PHF20: variants seen among roughly 807,000 people sequenced by gnomAD.
The protein encoded by PHF20 is PHD finger protein 20.
Under a neutral mutation model 113.5 loss-of-function variants are expected in PHF20, and 23 were observed. The observed-to-expected ratio is 0.20, with a 90% CI of 0.15 to 0.29. The LOEUF is 0.29. Among genes scored for constraint, PHF20 ranks in the 10% least tolerant of loss-of-function variants. The pLI, the probability that PHF20 is intolerant of heterozygous loss-of-function variation, is 1.00. For missense variants in PHF20, 943 were observed against 1,219.6 expected (o/e 0.77, Z 3.38); for synonymous variants, 434 against 457.3 (o/e 0.95, Z 0.65).
chr20:35,915,626 C>G (rs1044593103), intron 12 of PHF20, among the ~76,000 whole-genome samples: 1 of 151,932 alleles, frequency 6.6e-6, no homozygotes, highest in African/African-American at 2.4e-5. Context: ...ACCTTGTGAT[C>G]CACCCACTTC....
chr20:35,825,308 C>T (rs1279550256), intron 2 of PHF20, among the ~76,000 whole-genome samples: 2 of 152,016 alleles, frequency 1.3e-5, no homozygotes, highest in Non-Finnish European at 2.9e-5. Flanking sequence ...CAGGTGCATA[C>T]CACCGTGCCC....
chr20:35,773,034 G>C (rs2041095587), intron 1 of PHF20, among the ~76,000 whole-genome samples: 1 of 152,162 alleles, frequency 6.6e-6, no homozygotes, highest in Non-Finnish European at 1.5e-5. Flanking sequence ...CTTCTCCCGA[G>C]ACTGTATTAT....
At chr20:35,794,604 A>G (rs2146853664) in intron 1 of PHF20, among the ~76,000 whole-genome samples, 1 of 152,090 alleles carries the variant, frequency 6.6e-6, no homozygotes, top group South Asian at 2.1e-4. Context: ...GATTATCCCA[A>G]AGCCTGTTCT....
intron 2 of PHF20, among the ~76,000 whole-genome samples, chr20:35,802,344 G>C (rs6119653): frequency 0.012 from 1,849 of 151,842 alleles, 26 homozygotes; most frequent in African/African-American, 0.042. Context: ...CCTCTTTAAG[G>C]GTTTTTGTTT....
intron 13 of PHF20, among the ~76,000 whole-genome samples, chr20:35,925,536 G>A (rs1220965379): frequency 1.3e-5 from 2 of 151,956 alleles, no homozygotes; most frequent in African/African-American, 4.8e-5. Flanking sequence ...AGTGCTGGCT[G>A]GGATTACAGG....
At chr20:35,873,550 C>T (rs1214022138) in intron 9 of PHF20, among the ~76,000 whole-genome samples, 8 of 147,786 alleles carry the variant, frequency 5.4e-5, no homozygotes, top group African/African-American at 1.2e-4. Flanking sequence ...CTCACTGCAA[C>T]GTCTGCCTCC....
intron 1 of PHF20, among the ~76,000 whole-genome samples, chr20:35,788,860 C>A (rs959691880): frequency 6.6e-6 from 1 of 152,210 alleles, no homozygotes; most frequent in Non-Finnish European, 1.5e-5. Flanking sequence ...CTGGCGTGAG[C>A]CACCACGCCT....
At chr20:35,863,706 A>G (rs1034952592) in intron 6 of PHF20, among the ~76,000 whole-genome samples, 1 of 152,184 alleles carries the variant, frequency 6.6e-6, no homozygotes, top group Non-Finnish European at 1.5e-5. Flanking sequence ...GCTTTTTCAA[A>G]TGATCTCAGT....
intron 4 of PHF20, 63 bp downstream of exon 4, chr20:35,847,497 A>C: frequency 1.0e-6 from 1 of 992,734 alleles, no homozygotes; most frequent in Non-Finnish European, 1.6e-6. Context: ...GGATGTTTGT[A>C]ATATCAGAGC....
chr20:35,846,769 T>A (rs557394733), intron 3 of PHF20, among the ~76,000 whole-genome samples: 1 of 152,316 alleles, frequency 6.6e-6, no homozygotes, highest in African/African-American at 2.4e-5. Flanking sequence ...GCCCTTTTGT[T>A]TTGACTCCTG....
intron 1 of PHF20, among the ~76,000 whole-genome samples, chr20:35,798,101 T>G (rs1174343805): frequency 6.6e-6 from 1 of 152,186 alleles, no homozygotes; most frequent in African/African-American, 2.4e-5. Flanking sequence ...TAACTTATTT[T>G]TTTCTTCCTG....
At position 35,835,261 on chromosome 20, in the gene PHF20, C is replaced by T. The variant is rs150738883; in HGVS notation, c.84-7312C>T. On this transcript the variant is annotated intron_variant, in intron 2 of 17. Coordinates refer to ENST00000374012, the MANE Select transcript of PHF20 (RefSeq NM_016436.5). ...CTGCACTCCAGTCTGGGCGACAGAG[C>T]GAGATGCCATCTCAAAAAAAAAGAA... Among the ~76,000 whole-genome samples the T allele has an allele frequency of 3.8e-4, 57 of 151,240 alleles. 1 individual carries two copies. The East Asian group carries it at 9.9e-3, about 26-fold the overall frequency.
At chr20:35,925,840 T>G (rs2055618505) in intron 13 of PHF20, among the ~76,000 whole-genome samples, 1 of 151,848 alleles carries the variant, frequency 6.6e-6, no homozygotes, top group South Asian at 2.1e-4. Context: ...AAGTTATCAT[T>G]GGCCAGGCGC....
intron 16 of PHF20, among the ~76,000 whole-genome samples, chr20:35,940,198 GGT>G (rs2055949857): frequency 6.6e-6 from 1 of 152,106 alleles, no homozygotes; most frequent in African/African-American, 2.4e-5. Flanking sequence ...ATGAATGAAA[GGT>G]TGAGTTACCA....
rs189551926 is a variant in PHF20, at chr20:35,917,632, G to C, written c.1974G>C (p.Glu658Asp). ...TCGAGGTGGTCCGCTGCATCTGTGAGGTCCAGGAGGAAAATGACTTCATGA... is the reference window on the plus strand; with the variant it reads ...TCGAGGTGGTCCGCTGCATCTGTGACGTCCAGGAGGAAAATGACTTCATGA... Reference protein sequence around the residue: ...YDFEVVRCICEVQEENDFMIQ... With the variant: ...YDFEVVRCICDVQEENDFMIQ... Residue 658 changes from glutamate (E) to aspartate (D), a missense_variant, in exon 13 of 18, where the codon GAG (glutamate) becomes GAC (aspartate). Physicochemically the swap from Glu to Asp is conservative, Grantham distance 45. Around this residue, in one of 3 missense-constraint regions of PHF20, gnomAD observed 592 missense variants for 787.2 expected, o/e 0.75. Transcript: ENST00000374012. 2 of 1,613,992 alleles carry C rather than the reference G, an allele frequency of 1.2e-6. No homozygotes were observed. The highest frequency in any genetic ancestry group is 4.5e-5 in the East Asian group (2 of 44,876).
chr20:35,827,034 G>A (rs1270792215), intron 2 of PHF20, among the ~76,000 whole-genome samples: 3 of 152,120 alleles, frequency 2.0e-5, no homozygotes, highest in Non-Finnish European at 4.4e-5. Flanking sequence ...TCCAGCAAAG[G>A]CTGGTGATGG....
intron 1 of PHF20, among the ~76,000 whole-genome samples, chr20:35,793,796 G>A (rs1481151776): frequency 6.7e-6 from 1 of 149,282 alleles, no homozygotes; most frequent in Non-Finnish European, 1.5e-5. Flanking sequence ...TCAGGAGTTC[G>A]AGACCAGCCT....
At chr20:35,853,233 AAAAG>A (rs1226409059) in intron 4 of PHF20, 10 of 137,518 alleles carry the variant, frequency 7.3e-5, no homozygotes, top group African/African-American at 2.7e-4. Context: ...AAAAAAAAAA[AAAAG>A]AAAGAAAAAA....
Position 35,917,660 on chromosome 20 carries a change from C to A in PHF20, c.2002C>A (p.Gln668Lys), listed in dbSNP as rs2055431790. Residue 668 changes from glutamine (Q) to lysine (K), a missense_variant and splice_region_variant, in exon 13 of 18, where the codon CAG (glutamine) becomes AAG (lysine). By Grantham distance (53) the Gln-to-Lys change is moderately conservative. Around this residue, in one of 3 missense-constraint regions of PHF20, gnomAD observed 2 missense variants for 20.1 expected, o/e 0.10. Coordinates refer to ENST00000374012, the MANE Select transcript of PHF20 (RefSeq NM_016436.5). ...EVQEENDFMI[Q>K]CEECQCWQHG... Reference sequence around the variant, plus strand: ...CCAGGAGGAAAATGACTTCATGATTCAGGTAGGCAGAGCTTCCAGGAAACA... The same window carrying A: ...CCAGGAGGAAAATGACTTCATGATTAAGGTAGGCAGAGCTTCCAGGAAACA... 6.2e-7 allele frequency: 1 copy of A among 1,612,088 alleles called. No individual in the cohort carries two copies. The highest frequency in any genetic ancestry group is 1.1e-5 in the South Asian group (1 of 90,818).
Sources: gnomAD v4.1 joint callset for allele counts (sites outside exome capture counted in the v4.1 genomes callset) on GRCh38, gnomAD v4.1.1 for gene constraint, gnomAD v4.1.1 regional missense constraint, MANE v1.5 for transcripts, NCBI Gene and HGNC (gene_info 2026-07-23, HGNC 2026-07-21) for gene names.